The following TFDP2 variants were observed in gnomAD, a reference collection of about 807,000 sequenced individuals.
TFDP2 encodes the protein transcription factor Dp-2 (E2F dimerization partner 2).
TFDP2 carries 17 observed loss-of-function variants against 59.3 expected under a neutral mutation model. The ratio of observed to expected loss-of-function variants is 0.29; its 90% CI spans 0.20 to 0.43. The LOEUF (loss-of-function observed/expected upper bound fraction) is 0.43. TFDP2 is among the 20% of genes least tolerant of loss of function. The pLI, the probability that TFDP2 is intolerant of heterozygous loss-of-function variation, is 1.00. For synonymous variants in TFDP2, 180 were observed against 194.7 expected (o/e 0.92, Z 0.63); for missense variants, 391 against 528.8 (o/e 0.74, Z 2.56).
chr3:142,014,036 A>G lies in TFDP2; in HGVS notation c.83-8492T>C, dbSNP rs1001265469. On this transcript the variant is annotated intron_variant, in intron 3 of 12. Transcript: ENST00000489671. ...GGTAACTTACTATAAGAAATAATACATATTTTTTGTGGGTTTATAAATCTC... is the reference window on the plus strand; with the variant it reads ...GGTAACTTACTATAAGAAATAATACGTATTTTTTGTGGGTTTATAAATCTC... Among the ~76,000 whole-genome samples the G allele has an allele frequency of 2.0e-5, 3 of 152,280 alleles. No homozygotes were observed. In the South Asian group the frequency reaches 6.2e-4, roughly 32 times the overall value.
rs1935125860 is a variant in TFDP2 at position 141,945,351 on chromosome 3, AC to A, written c.*7161del. The A allele has an allele frequency of 6.6e-6, 1 of 152,022 alleles. No homozygotes were observed. The allele number at this position is 152,022 out of a possible 1,614,324, so 9.4% of individuals were successfully genotyped here. ...TCCATGTTGGTCAGGCTGGTTTCGA[AC>A]TCCCGACCTCAGGTGATCCGCCCGC... On this transcript the variant is annotated 3_prime_UTR_variant, in exon 13 of 13. Coordinates refer to ENST00000489671, the MANE Select transcript of TFDP2 (RefSeq NM_001178139.2).
At chr3:141,984,355 G>T (rs1941831036) in intron 6 of TFDP2, among the ~76,000 whole-genome samples, 1 of 152,098 alleles carries the variant, frequency 6.6e-6, no homozygotes. Context: ...AAAATTAGCT[G>T]GTGTGGTGGC....
At chr3:141,976,782 CT>C (rs1032790259) in intron 7 of TFDP2, among the ~76,000 whole-genome samples, 13 of 149,372 alleles carry the variant, frequency 8.7e-5, no homozygotes, top group Non-Finnish European at 1.8e-4. Context: ...ATGCTATAGA[CT>C]TTTTTTTTCA....
At chr3:142,067,810 C>G (rs1374027632) in intron 3 of TFDP2, among the ~76,000 whole-genome samples, 1 of 152,048 alleles carries the variant, frequency 6.6e-6, no homozygotes, top group Non-Finnish European at 1.5e-5. Flanking sequence ...CAAGACCAGC[C>G]TAGGCAACAA....
At chr3:142,078,099 A>T (rs936680146) in intron 3 of TFDP2, among the ~76,000 whole-genome samples, 2 of 152,092 alleles carry the variant, frequency 1.3e-5, no homozygotes, top group Admixed American at 1.3e-4. Context: ...TGCCTGTGGA[A>T]AGGGGAGAGA....
intron 11 of TFDP2, 143 bp from the exon 12 acceptor site, chr3:141,953,159 C>A (rs372728598): frequency 2.0e-6 from 1 of 507,856 alleles, no homozygotes. Context: ...TGACAAGAAC[C>A]CAGGTTTCTT....
chr3:142,048,156 T>C (rs926194850), intron 3 of TFDP2, among the ~76,000 whole-genome samples: 2 of 152,160 alleles, frequency 1.3e-5, no homozygotes, highest in African/African-American at 4.8e-5. Context: ...GGCTCACACC[T>C]GTAATCCTAG....
chr3:142,042,611 CTTTCTTTTCT>C (rs1350153218), intron 3 of TFDP2, among the ~76,000 whole-genome samples: 114 of 112,896 alleles, frequency 1.0e-3, no homozygotes, highest in Non-Finnish European at 1.8e-3. Flanking sequence ...GTTTCTTTTT[CTTTCTTTTCT>C]TTTCTTTTCT....
At chr3:142,049,634 G>A (rs1947511682) in intron 3 of TFDP2, among the ~76,000 whole-genome samples, 2 of 151,106 alleles carry the variant, frequency 1.3e-5, no homozygotes, top group South Asian at 2.1e-4. Flanking sequence ...GAAATGAAAG[G>A]TATAAAATAA....
chr3:142,050,377 CCT>C (rs1269707796), intron 3 of TFDP2, among the ~76,000 whole-genome samples: 3 of 152,172 alleles, frequency 2.0e-5, no homozygotes, highest in East Asian at 1.9e-4. Flanking sequence ...CTTTTAGTTC[CCT>C]GTTTTCTCTT....
intron 3 of TFDP2, among the ~76,000 whole-genome samples, chr3:142,037,993 A>G (rs1946767129): frequency 6.6e-6 from 1 of 152,156 alleles, no homozygotes; most frequent in Non-Finnish European, 1.5e-5. Flanking sequence ...CTTTCTACTG[A>G]GTGAAAGAAT....
chr3:141,967,418 A>G (rs977694241), intron 9 of TFDP2, among the ~76,000 whole-genome samples: 10 of 147,290 alleles, frequency 6.8e-5, no homozygotes, highest in Non-Finnish European at 1.3e-4. Context: ...TTAGCCTCCC[A>G]AGTAGCTGAG....
chr3:142,024,223 A>G (rs1184178572), intron 3 of TFDP2, among the ~76,000 whole-genome samples: 1 of 152,240 alleles, frequency 6.6e-6, no homozygotes, highest in Non-Finnish European at 1.5e-5. Context: ...AATTTTCACT[A>G]CAAGTGAGCA....
chr3:142,048,690 C>G (rs528724982), intron 3 of TFDP2, among the ~76,000 whole-genome samples: 2 of 152,130 alleles, frequency 1.3e-5, no homozygotes, highest in Non-Finnish European at 2.9e-5. Flanking sequence ...CTCAGCCTGC[C>G]CAGTAGCTAG....
chr3:141,990,253 G>A (rs767266582), intron 6 of TFDP2, among the ~76,000 whole-genome samples: 8 of 151,832 alleles, frequency 5.3e-5, no homozygotes, highest in Admixed American at 2.6e-4. Context: ...CATGAGGGAG[G>A]TAGGGAGTAA....
chr3:142,034,270 TG>T lies in TFDP2; in HGVS notation c.83-28727del, dbSNP rs1316413039. The stretch of plus-strand genomic sequence containing the variant: ...GCCACCACGCCTGGCTAATTTTTTT[TG>T]TATTTTTAGTAGAGACAGCGTTTCT... On this transcript the variant is annotated intron_variant, in intron 3 of 12. Transcript: ENST00000489671. Among the ~76,000 whole-genome samples the T allele has an allele frequency of 5.9e-5, 9 of 152,036 alleles. No homozygotes were observed. The East Asian group carries it at 1.7e-3, about 29-fold the overall frequency.
intron 6 of TFDP2, among the ~76,000 whole-genome samples, chr3:141,983,952 C>T (rs1941772470): frequency 6.6e-6 from 1 of 152,166 alleles, no homozygotes; most frequent in African/African-American, 2.4e-5. Context: ...CCAGTAATTT[C>T]ACTTTTGGGT....
chr3:142,131,147 A>G (rs2062489719), intron 1 of TFDP2, among the ~76,000 whole-genome samples: 1 of 150,114 alleles, frequency 6.7e-6, no homozygotes, highest in Admixed American at 6.6e-5. Flanking sequence ...TTGAAAAAAG[A>G]TGACGTGTCT....
intron 3 of TFDP2, among the ~76,000 whole-genome samples, chr3:142,054,521 T>C (rs932110084): frequency 6.6e-6 from 1 of 152,228 alleles, no homozygotes; most frequent in Admixed American, 6.5e-5. Context: ...AAATCAACTA[T>C]AAACCCTCTG....
Sources: allele counts gnomAD v4.1 joint callset (sites outside exome capture counted in the v4.1 genomes callset), GRCh38; gene constraint gnomAD v4.1.1; transcripts MANE v1.5; gene names NCBI Gene and HGNC (gene_info 2026-07-23, HGNC 2026-07-21).